ABCA4: variants seen among roughly 807,000 people sequenced by gnomAD.
ABCA4 encodes retinal-specific phospholipid-transporting ATPase ABCA4.
A neutral mutation model predicts 263.7 loss-of-function variants in ABCA4; 196 were observed. The ratio of observed to expected loss-of-function variants is 0.74; its 90% CI spans 0.66 to 0.84. ABCA4 has a LOEUF of 0.84. ABCA4 is among the 40% of genes least tolerant of loss of function. The probability of loss-of-function intolerance (pLI) is 0.00; values close to 1 mark genes in which losing one functional copy is unlikely to be tolerated. For missense variants in ABCA4, 2,792 were observed against 2,855.1 expected, an observed-to-expected ratio of 0.98 and a Z score of 0.50; for synonymous variants, 1,133 against 1,094.2, an observed-to-expected ratio of 1.04 and a Z score of -0.70.
At chr1:94,069,606 T>C (rs1026240848) in intron 11 of ABCA4, among the ~76,000 whole-genome samples, 2 of 152,194 alleles carry the variant, frequency 1.3e-5, no homozygotes, top group African/African-American at 4.8e-5. Flanking sequence ...GGGTTCCTTT[T>C]GAGAAATGCC....
intron 7 of ABCA4, among the ~76,000 whole-genome samples, chr1:94,082,837 G>A (rs1347567098): frequency 1.3e-5 from 2 of 152,200 alleles, no homozygotes; most frequent in Non-Finnish European, 2.9e-5. Context: ...TATGGGAGGA[G>A]ACTTGTGCAA....
rs762600499 is a variant in ABCA4, at chr1:94,031,136, C to T, written c.4129-16G>A. 1.7e-5 allele frequency: 27 copies of T among 1,613,652 alleles called. No homozygotes were observed. The highest frequency in any genetic ancestry group is 6.7e-5 in the African/African-American group (5 of 74,920). ...GGAGCACGATCTGTGGGAGAATAGA[C>T]GTGGAATAAACATGACTGTGGCATG... On this transcript the variant is annotated splice_polypyrimidine_tract_variant and intron_variant, in intron 27 of 49. Transcript: ENST00000370225.
chr1:94,007,359 T>G (rs981256146), intron 43 of ABCA4, among the ~76,000 whole-genome samples: 1 of 152,226 alleles, frequency 6.6e-6, no homozygotes, highest in South Asian at 2.1e-4. Context: ...TTCCGTGACC[T>G]CTAAGAGATT....
chr1:94,006,603 T>G (rs1659395967), intron 43 of ABCA4, among the ~76,000 whole-genome samples: 1 of 152,198 alleles, frequency 6.6e-6, no homozygotes, highest in Non-Finnish European at 1.5e-5. Flanking sequence ...CTGGATCTGT[T>G]GAGATGGACT....
In ABCA4 at chr1:94,079,458, G is replaced by A; in HGVS notation, c.1103C>T (p.Ser368Phe). 1 of 1,614,198 alleles carries A rather than the reference G, an allele frequency of 6.2e-7. No homozygotes were observed. Among genetic ancestry groups the A allele is most frequent in the South Asian group, 1.1e-5 (1 of 91,084 alleles). ...PIYSYDRRTT[S>F]FCNALIQSLE... ...GCTCTGGATCAATGCATTACAAAAG[G>A]ATGCTGCCAGGAGACAAGGGACAGA... is the stretch of plus-strand genomic sequence containing the variant. The change falls in exon 9 of 50, where the codon TCC (serine) becomes TTC (phenylalanine). Residue 368 changes from serine (S) to phenylalanine (F), a missense_variant. Coordinates refer to ENST00000370225, the MANE Select transcript of ABCA4 (RefSeq NM_000350.3).
In ABCA4 at chr1:93,998,123, C is replaced by T; in HGVS notation, c.6480-13G>A. On this transcript the variant is annotated splice_polypyrimidine_tract_variant and intron_variant, in intron 47 of 49. Transcript: ENST00000370225. ...GCCATCTCCAAATCTAGGGGATGCACACAGTGCAGGACAGGCCTCTGTTAG... is the reference window on the plus strand; with the variant it reads ...GCCATCTCCAAATCTAGGGGATGCATACAGTGCAGGACAGGCCTCTGTTAG... 2.5e-6 allele frequency: 4 copies of T among 1,614,098 alleles called. No homozygotes were observed. Among genetic ancestry groups the T allele is most frequent in the Non-Finnish European group, 3.4e-6 (4 of 1,180,008 alleles).
intron 6 of ABCA4, among the ~76,000 whole-genome samples, chr1:94,088,315 T>C (rs564145424): frequency 6.6e-6 from 1 of 152,340 alleles, no homozygotes; most frequent in South Asian, 2.1e-4. Context: ...ACTGTACCTC[T>C]ACCTTCCCCT....
chr1:94,002,066 G>C, intron 44 of ABCA4, 74 bp from the exon 45 acceptor site: 1 of 1,608,500 alleles, frequency 6.2e-7, no homozygotes, highest in Non-Finnish European at 8.5e-7. Context: ...CAAAGCCTTG[G>C]GCTCCCAGAT....
intron 21 of ABCA4, 35 bp downstream of exon 21, chr1:94,043,301 C>T (rs1660570599): frequency 3.1e-6 from 5 of 1,613,594 alleles, no homozygotes; most frequent in Non-Finnish European, 4.2e-6. Flanking sequence ...ATGGATTTGC[C>T]ATCTGTGGCC....
chr1:94,002,187 T>C (rs796108191), intron 44 of ABCA4, among the ~76,000 whole-genome samples, 195 bp from the exon 45 acceptor site: 69 of 152,324 alleles, frequency 4.5e-4, no homozygotes, highest in African/African-American at 1.6e-3. Context: ...CTCTGTGTCT[T>C]GGATCCCAGG....
intron 24 of ABCA4, among the ~76,000 whole-genome samples, chr1:94,039,177 C>A (rs1660422387): frequency 6.6e-6 from 1 of 152,172 alleles, no homozygotes; most frequent in African/African-American, 2.4e-5. Context: ...GTTTTCTGTT[C>A]ATCACAGGGT....
chr1:94,082,935 T>C (rs1199537245), intron 7 of ABCA4, among the ~76,000 whole-genome samples: 1 of 152,208 alleles, frequency 6.6e-6, no homozygotes, highest in Non-Finnish European at 1.5e-5. Context: ...CCAACATAGG[T>C]AAAACACTTA....
At position 94,106,230 on chromosome 1, in the gene ABCA4, C is replaced by T. The variant is rs1043761214; in HGVS notation, c.442+2347G>A. ...ACAGCCCGAAGCCTGCAGAAGGAACCGCCTGCATACCAATTCAAAATCAGT... is the reference window on the plus strand; with the variant it reads ...ACAGCCCGAAGCCTGCAGAAGGAACTGCCTGCATACCAATTCAAAATCAGT... On this transcript the variant is annotated intron_variant, in intron 4 of 49. Transcript: ENST00000370225. 5.3e-5 allele frequency among the ~76,000 whole-genome samples: 8 copies of T among 152,300 alleles called. No individual in the cohort carries two copies. The South Asian group carries it at 1.0e-3, about 20-fold the overall frequency.
intron 6 of ABCA4, among the ~76,000 whole-genome samples, chr1:94,088,576 C>T (rs61783990): frequency 2.6e-5 from 4 of 152,180 alleles, no homozygotes; most frequent in South Asian, 2.1e-4. Context: ...GCCTGTGTGC[C>T]CTTTCTGTGG....
chr1:94,108,630 T>C lies in ABCA4; in HGVS notation c.389A>G (p.His130Arg), dbSNP rs2101155828. ...GGTGTCCATGAATTGGGACAAGATG[T>C]GTAGCTCTGTCCAAATACGGCCAAG... Reference protein sequence around the residue: ...QHLGRIWTELHILSQFMDTLR... With the variant: ...QHLGRIWTELRILSQFMDTLR... The change falls in exon 4 of 50, where the codon CAC becomes CGC. Residue 130 changes from histidine (H) to arginine (R), a missense_variant. By Grantham distance (29) the His-to-Arg change is conservative (BLOSUM62 0). Coordinates refer to ENST00000370225, the MANE Select transcript of ABCA4 (RefSeq NM_000350.3). 2.5e-6 allele frequency: 4 copies of C among 1,613,862 alleles called. No individual in the cohort carries two copies. The highest frequency in any genetic ancestry group is 3.4e-6 in the Non-Finnish European group (4 of 1,180,016).
At position 93,993,664 on chromosome 1, in the gene ABCA4, G is replaced by A. The variant is rs76381393; in HGVS notation, c.6817-422C>T. Reference sequence around the variant, plus strand: ...GAATTCCCTTGACCACTTCCTGTAGGGGTGGCTCTGGGAAGCATGAAAGTG... The same window carrying A: ...GAATTCCCTTGACCACTTCCTGTAGAGGTGGCTCTGGGAAGCATGAAAGTG... On this transcript the variant is annotated intron_variant, in intron 49 of 49. Transcript: ENST00000370225. Among the ~76,000 whole-genome samples the A allele has an allele frequency of 8.2e-3, 1,242 of 152,160 alleles. 21 individuals carry two copies. The highest frequency in any genetic ancestry group is 0.029 in the African/African-American group (1,195 of 41,492).
chr1:93,998,713 ATTTATTTTATTTTATTTTATTTTAT>A (rs374404349), intron 47 of ABCA4, among the ~76,000 whole-genome samples: 1 of 133,634 alleles, frequency 7.5e-6, no homozygotes, highest in African/African-American at 2.9e-5. Context: ...ATTTTATTTT[ATTTATTTTATTTTATTTTATTTTAT>A]TTTATTTTAT....
rs142619004 is a variant in ABCA4 at position 94,115,297 on chromosome 1, A to T, written c.67-2231T>A. On this transcript the variant is annotated intron_variant, in intron 1 of 49. Coordinates refer to ENST00000370225, the MANE Select transcript of ABCA4 (RefSeq NM_000350.3). ...CTGCTTGCAATATTGGCTTTCTATC[A>T]CGTAGATCGGCTGTCTTCCATGCGG... is the stretch of plus-strand genomic sequence containing the variant. Among the ~76,000 whole-genome samples, 21 of 152,254 alleles carry T rather than the reference A, an allele frequency of 1.4e-4. No homozygotes were observed. The East Asian group carries it at 3.7e-3, about 27-fold the overall frequency.
chr1:94,074,497 G>A lies in ABCA4; in HGVS notation c.1554+3193C>T, dbSNP rs531308942. The stretch of plus-strand genomic sequence containing the variant: ...AACACCAAAAGCAATTGCAACAAAA[G>A]CCAAAATTGAAAAATGGATCTAATT... On this transcript the variant is annotated intron_variant, in intron 11 of 49. Coordinates refer to ENST00000370225, the MANE Select transcript of ABCA4 (RefSeq NM_000350.3). Among the ~76,000 whole-genome samples, 3 of 152,248 alleles carry A rather than the reference G, an allele frequency of 2.0e-5. No individual in the cohort carries two copies. In the East Asian group the frequency reaches 5.8e-4, roughly 29 times the overall value.
Sources: allele counts gnomAD v4.1 joint callset (sites outside exome capture counted in the v4.1 genomes callset), GRCh38; gene constraint gnomAD v4.1.1; transcripts MANE v1.5; gene names NCBI Gene and HGNC (gene_info 2026-07-23, HGNC 2026-07-21).